L3MBTL4: variants seen among roughly 807,000 people sequenced by gnomAD.
L3MBTL4 encodes the protein L3MBTL histone methyl-lysine binding protein 4, also known as lethal(3)malignant brain tumor-like protein 4.
In L3MBTL4, 70 loss-of-function variants were observed where a neutral mutation model predicts 84.5. That is an observed-to-expected ratio of 0.83 (90% CI 0.68 to 1.01). The LOEUF (loss-of-function observed/expected upper bound fraction) is 1.01. Ranked by LOEUF, L3MBTL4 falls within the 50% of genes least tolerant of loss-of-function variation. L3MBTL4 has a pLI of 0.00. For missense variants in L3MBTL4, 715 were observed against 754.8 expected, an observed-to-expected ratio of 0.95 and a Z score of 0.62; for synonymous variants, 274 against 259.8, an observed-to-expected ratio of 1.05 and a Z score of -0.52.
chr18:6,009,290 G>T (rs2054628078), intron 16 of L3MBTL4, among the ~76,000 whole-genome samples: 1 of 152,168 alleles, frequency 6.6e-6, no homozygotes, highest in Non-Finnish European at 1.5e-5. Flanking sequence ...TGCCTTGGAG[G>T]AGCAATGACC....
intron 14 of L3MBTL4, among the ~76,000 whole-genome samples, chr18:6,107,078 C>G (rs2059033395): frequency 6.6e-6 from 1 of 151,968 alleles, no homozygotes; most frequent in Non-Finnish European, 1.5e-5. Context: ...TAATATAAAA[C>G]CAGGCATTAG....
At chr18:5,957,163 A>G (rs1478975985) in intron 18 of L3MBTL4, among the ~76,000 whole-genome samples, 1 of 152,226 alleles carries the variant, frequency 6.6e-6, no homozygotes, top group African/African-American at 2.4e-5. Flanking sequence ...GCAAAAATAC[A>G]CATAAAATAA....
chr18:6,157,885 C>T (rs1293192630), intron 13 of L3MBTL4, among the ~76,000 whole-genome samples: 1 of 152,094 alleles, frequency 6.6e-6, no homozygotes, highest in African/African-American at 2.4e-5. Flanking sequence ...GACATGGAAG[C>T]TAGCTAAGAA....
intron 16 of L3MBTL4, among the ~76,000 whole-genome samples, chr18:6,039,154 C>T (rs981838990): frequency 6.6e-6 from 1 of 152,022 alleles, no homozygotes; most frequent in African/African-American, 2.4e-5. Context: ...TCAAACCTAC[C>T]CTCCCCAAAC....
intron 1 of L3MBTL4, among the ~76,000 whole-genome samples, chr18:6,317,083 C>T (rs1213768968): frequency 2.0e-5 from 3 of 152,080 alleles, no homozygotes; most frequent in African/African-American, 7.2e-5. Context: ...ATTCCAACCC[C>T]ATAGGAGATG....
chr18:6,113,412 C>G (rs2059256315), intron 14 of L3MBTL4, among the ~76,000 whole-genome samples: 1 of 136,796 alleles, frequency 7.3e-6, no homozygotes, highest in Admixed American at 7.9e-5. Flanking sequence ...TATAACAAAC[C>G]TGATAAAGCT....
At chr18:5,962,373 G>A (rs1261200551) in intron 17 of L3MBTL4, among the ~76,000 whole-genome samples, 1 of 152,124 alleles carries the variant, frequency 6.6e-6, no homozygotes, top group Non-Finnish European at 1.5e-5. Flanking sequence ...CCCCAAAGCA[G>A]GACAACACAG....
At chr18:6,133,811 ATCTCAGGAG>A in intron 14 of L3MBTL4, among the ~76,000 whole-genome samples, 1 of 152,286 alleles carries the variant, frequency 6.6e-6, no homozygotes, top group South Asian at 2.1e-4. Flanking sequence ...TCCTGATAAG[ATCTCAGGAG>A]TTGGGTGAGT....
At chr18:6,216,842 T>C (rs563062413) in intron 10 of L3MBTL4, among the ~76,000 whole-genome samples, 2 of 152,314 alleles carry the variant, frequency 1.3e-5, no homozygotes, top group East Asian at 3.9e-4. Flanking sequence ...CACTAATATC[T>C]AGTTTACTAC....
intron 13 of L3MBTL4, among the ~76,000 whole-genome samples, chr18:6,155,975 C>A (rs2043086812): frequency 1.3e-5 from 2 of 151,948 alleles, no homozygotes; most frequent in Non-Finnish European, 2.9e-5. Context: ...TTTCTAATAC[C>A]ATGAAAGACA....
intron 16 of L3MBTL4, among the ~76,000 whole-genome samples, chr18:6,006,178 A>G (rs2054476102): frequency 2.0e-5 from 3 of 152,234 alleles, no homozygotes. Context: ...CTTCTGGAGG[A>G]TATCTCTAGA....
intron 16 of L3MBTL4, among the ~76,000 whole-genome samples, chr18:5,980,768 T>G (rs545541904): frequency 2.0e-4 from 31 of 152,302 alleles, no homozygotes; most frequent in Middle Eastern, 6.8e-3. Flanking sequence ...TTGGGCAAAC[T>G]CAATGAAGAA....
At chr18:6,119,729 G>A (rs1172480462) in intron 14 of L3MBTL4, among the ~76,000 whole-genome samples, 1 of 152,084 alleles carries the variant, frequency 6.6e-6, no homozygotes, top group Non-Finnish European at 1.5e-5. Context: ...TTAATTCAAG[G>A]TAAAAGACCA....
Position 6,294,043 on chromosome 18 carries a change from T to C in L3MBTL4, c.127+7860A>G, listed in dbSNP as rs2049983453. ...TGGGAGTAATGTATCAATGCTAATTTCCTGCTTGGAAGGATTGGTCGTACT... is the reference window on the plus strand; with the variant it reads ...TGGGAGTAATGTATCAATGCTAATTCCCTGCTTGGAAGGATTGGTCGTACT... On this transcript the variant is annotated intron_variant, in intron 4 of 18. Transcript: ENST00000317931. 2.0e-5 allele frequency among the ~76,000 whole-genome samples: 3 copies of C among 152,312 alleles called. No individual in the cohort carries two copies. In the South Asian group the frequency reaches 6.2e-4, roughly 32 times the overall value.
At chr18:6,165,786 A>C (rs1228528572) in intron 13 of L3MBTL4, among the ~76,000 whole-genome samples, 2 of 152,226 alleles carry the variant, frequency 1.3e-5, no homozygotes, top group Non-Finnish European at 2.9e-5. Context: ...TGAGCAAAAT[A>C]ACCAGCTAAC....
intron 12 of L3MBTL4, among the ~76,000 whole-genome samples, chr18:6,208,088 C>T (rs962296445): frequency 3.3e-5 from 5 of 151,558 alleles, no homozygotes; most frequent in African/African-American, 4.9e-5. Context: ...GCACTTTAGC[C>T]TAGGCGACAA....
At chr18:6,283,760 G>A (rs2049428288) in intron 4 of L3MBTL4, among the ~76,000 whole-genome samples, 1 of 152,160 alleles carries the variant, frequency 6.6e-6, no homozygotes, top group Non-Finnish European at 1.5e-5. Context: ...CAAGAGAATT[G>A]AGGCTTGGAA....
chr18:6,209,445 C>CAAAAAAAAAAAAAA (rs60613997), intron 12 of L3MBTL4, among the ~76,000 whole-genome samples: 7 of 113,982 alleles, frequency 6.1e-5, no homozygotes, highest in African/African-American at 2.1e-4. Context: ...ACTAAACTGG[C>CAAAAAAAAAAAAAA]AAAAAAAAAA....
intron 1 of L3MBTL4, among the ~76,000 whole-genome samples, chr18:6,332,671 T>C (rs2052100270): frequency 6.6e-6 from 1 of 152,192 alleles, no homozygotes; most frequent in Admixed American, 6.5e-5. Flanking sequence ...AAAGGTCCAT[T>C]CAGACCAAAG....
Sources: gnomAD v4.1 joint callset for allele counts (sites outside exome capture counted in the v4.1 genomes callset) on GRCh38, gnomAD v4.1.1 for gene constraint, MANE v1.5 for transcripts, NCBI Gene and HGNC (gene_info 2026-07-23, HGNC 2026-07-21) for gene names.